Variants in CFAP54 observed in about 807,000 individuals in gnomAD.
CFAP54 encodes cilia- and flagella-associated protein 54.
In CFAP54, 290 loss-of-function variants were observed where a neutral mutation model predicts 370.4. The observed-to-expected ratio is 0.78, with a 90% CI of 0.71 to 0.86. CFAP54 has a LOEUF of 0.86. CFAP54 is among the 40% of genes least tolerant of loss of function. CFAP54 has a pLI of 0.00. For missense variants in CFAP54, 3,399 were observed against 3,528.7 expected (o/e 0.96, Z 0.93); for synonymous variants, 1,206 against 1,236.5 (o/e 0.98, Z 0.52).
chr12:96,567,449 T>C (rs1955874507), intron 19 of CFAP54, among the ~76,000 whole-genome samples: 2 of 152,116 alleles, frequency 1.3e-5, no homozygotes, highest in South Asian at 2.1e-4. Flanking sequence ...AGAATTTGAA[T>C]GAGGAAGTTG....
intron 63 of CFAP54, among the ~76,000 whole-genome samples, chr12:96,796,494 T>C (rs1261223622): frequency 6.6e-6 from 1 of 152,210 alleles, no homozygotes; most frequent in Non-Finnish European, 1.5e-5. Context: ...CTGTTTTCTT[T>C]CTGAGAAATA....
rs1565934319 is a variant in CFAP54, at chr12:96,664,729, ATATATATATC to A, written c.5563+807_5563+816del. Reference sequence around the variant, plus strand: ...TATATATATATCTATATATATCTATATATATATATCTATATATATATATATCTATATATAT... The same window carrying A: ...TATATATATATCTATATATATCTATATATATATATATATATCTATATATAT... On this transcript the variant is annotated intron_variant, in intron 39 of 67. Transcript: ENST00000524981. Among the ~76,000 whole-genome samples the A allele has an allele frequency of 2.9e-3, 38 of 13,286 alleles. 1 individual carries two copies. The highest frequency in any genetic ancestry group is 4.4e-3 in the Non-Finnish European group (33 of 7,430). 8.7% of individuals were successfully genotyped at this position (13,286 alleles called of 152,430 possible).
At chr12:96,780,826 G>T (rs1410949453) in intron 60 of CFAP54, among the ~76,000 whole-genome samples, 1 of 152,156 alleles carries the variant, frequency 6.6e-6, no homozygotes, top group Non-Finnish European at 1.5e-5. Flanking sequence ...CTTCTCACCA[G>T]CAATAGTAGA....
intron 17 of CFAP54, among the ~76,000 whole-genome samples, chr12:96,560,772 A>G (rs944355810): frequency 6.6e-6 from 1 of 152,172 alleles, no homozygotes; most frequent in Non-Finnish European, 1.5e-5. Context: ...TGAAAAAGTA[A>G]TTGGTGCTGT....
At chr12:96,799,531 T>C (rs574322619) in intron 63 of CFAP54, among the ~76,000 whole-genome samples, 2 of 152,300 alleles carry the variant, frequency 1.3e-5, no homozygotes, top group East Asian at 1.9e-4. Context: ...TCCAGCACCA[T>C]TTCTCACTTT....
Position 96,658,032 on chromosome 12 carries a change from C to T in CFAP54, c.5251C>T (p.Leu1751=), listed in dbSNP as rs916233602. 2 of 1,613,574 alleles carry T rather than the reference C, an allele frequency of 1.2e-6. No homozygotes were observed. Among genetic ancestry groups the T allele is most frequent in the African/African-American group, 2.7e-5 (2 of 74,790 alleles). The part of the protein sequence containing the change: ...KWIHDFVLKS[L]EVLYQVEKWE... ...GATCCACGACTTTGTATTAAAATCT[C>T]TGGAAGTTTTATATCAAGTGGAAAA... is the stretch of plus-strand genomic sequence containing the variant. Residue 1751 remains leucine (L), a synonymous_variant, in exon 37 of 68, where the codon CTG becomes TTG. Transcript: ENST00000524981.
At chr12:96,751,033 G>A (rs759404081) in intron 55 of CFAP54, among the ~76,000 whole-genome samples, 17 of 151,948 alleles carry the variant, frequency 1.1e-4, no homozygotes, top group Non-Finnish European at 2.5e-4. Context: ...TTTTTCATGT[G>A]AAAGTCTCTG....
intron 24 of CFAP54, among the ~76,000 whole-genome samples, chr12:96,593,303 C>T (rs895265384): frequency 6.6e-6 from 1 of 151,724 alleles, no homozygotes; most frequent in Non-Finnish European, 1.5e-5. Flanking sequence ...TTTTCTTTCT[C>T]TCTTTCCTTC....
At chr12:96,771,395 G>A (rs1272909205) in intron 60 of CFAP54, among the ~76,000 whole-genome samples, 3 of 152,346 alleles carry the variant, frequency 2.0e-5, no homozygotes, top group Non-Finnish European at 2.9e-5. Flanking sequence ...GCTCACGCCT[G>A]TAATCCCAGC....
chr12:96,749,228 T>C (rs1565964014), intron 55 of CFAP54, among the ~76,000 whole-genome samples: 3 of 152,216 alleles, frequency 2.0e-5, no homozygotes, highest in Admixed American at 6.5e-5. Flanking sequence ...GCACCTTCTA[T>C]GTGTCCTTAC....
At chr12:96,787,208 T>C (rs527847324) in intron 62 of CFAP54, among the ~76,000 whole-genome samples, 7 of 152,228 alleles carry the variant, frequency 4.6e-5, no homozygotes, top group Non-Finnish European at 7.3e-5. Context: ...CAGATTTCAG[T>C]ATCATCACTC....
In CFAP54 at chr12:96,763,942, G is replaced by A. The variant is rs1292116847; in HGVS notation, c.8041-209G>A. On this transcript the variant is annotated intron_variant, in intron 58 of 67. Transcript: ENST00000524981. The stretch of plus-strand genomic sequence containing the variant: ...TTATGTACAGGGAATGTATATGTGT[G>A]CATATTTTTTAAAAAGAAGGATTGT... Among the ~76,000 whole-genome samples, 4 of 152,048 alleles carry A rather than the reference G, an allele frequency of 2.6e-5. No individual in the cohort carries two copies. In the East Asian group the frequency reaches 7.7e-4, roughly 29 times the overall value.
chr12:96,710,239 T>G (rs1957595657), intron 48 of CFAP54, among the ~76,000 whole-genome samples: 1 of 152,098 alleles, frequency 6.6e-6, no homozygotes, highest in African/African-American at 2.4e-5. Context: ...TAGTTACAGT[T>G]TCCAAGAGGA....
At chr12:96,789,326 A>G (rs1426145358) in intron 62 of CFAP54, among the ~76,000 whole-genome samples, 1 of 152,192 alleles carries the variant, frequency 6.6e-6, no homozygotes, top group Non-Finnish European at 1.5e-5. Flanking sequence ...CCAGGAAGGT[A>G]ATGTTAATGT....
chr12:96,522,760 C>G (rs539180143), intron 8 of CFAP54, among the ~76,000 whole-genome samples: 37 of 152,224 alleles, frequency 2.4e-4, no homozygotes, highest in African/African-American at 8.7e-4. Context: ...GCTGAAGAGC[C>G]GCCTTCATTT....
chr12:96,618,435 A>AT (rs1956446839), intron 26 of CFAP54, among the ~76,000 whole-genome samples: 1 of 152,154 alleles, frequency 6.6e-6, no homozygotes, highest in Admixed American at 6.5e-5. Flanking sequence ...TGGACAGGAG[A>AT]TTCGCTTCTC....
At chr12:96,572,246 C>T (rs1336198916) in intron 19 of CFAP54, among the ~76,000 whole-genome samples, 26 of 152,034 alleles carry the variant, frequency 1.7e-4, no homozygotes, top group Admixed American at 1.7e-3. Context: ...TTATGTAATA[C>T]CTGCTAAAAT....
rs773536766 is a variant in CFAP54 at position 96,699,983 on chromosome 12, A to T, written c.6364A>T (p.Ile2122Leu). The change falls in exon 46 of 68, where the codon ATA becomes TTA. Residue 2122 changes from isoleucine to leucine, a missense_variant. Coordinates refer to ENST00000524981, the MANE Select transcript of CFAP54 (RefSeq NM_001306084.2). ...EARILKIEVL[I>L]DLRFFSEAFY... ...CTTTCCTTTACAGATAGAAGTCCTT[A>T]TAGATTTGAGATTCTTTTCTGAAGC... 2 of 1,577,296 alleles carry T rather than the reference A, an allele frequency of 1.3e-6. No homozygotes were observed. The highest frequency in any genetic ancestry group is 8.7e-7 in the Non-Finnish European group (1 of 1,153,452).
At chr12:96,655,430 A>C (rs1017250749) in intron 36 of CFAP54, among the ~76,000 whole-genome samples, 4 of 152,106 alleles carry the variant, frequency 2.6e-5, no homozygotes, top group Non-Finnish European at 5.9e-5. Flanking sequence ...TGAAGAAAGG[A>C]TGTTGGAATT....
Sources: allele counts gnomAD v4.1 joint callset (sites outside exome capture counted in the v4.1 genomes callset), GRCh38; gene constraint gnomAD v4.1.1; transcripts MANE v1.5; gene names NCBI Gene and HGNC (gene_info 2026-07-23, HGNC 2026-07-21).